The following PDE1C variants were observed in gnomAD, a reference collection of about 807,000 sequenced individuals.
PDE1C encodes dual specificity calcium/calmodulin-dependent 3',5'-cyclic nucleotide phosphodiesterase 1C.
PDE1C carries 62 observed loss-of-function variants against 93.1 expected under a neutral mutation model. The ratio of observed to expected loss-of-function variants is 0.67; its 90% CI spans 0.54 to 0.82. The LOEUF (loss-of-function observed/expected upper bound fraction) is 0.82, where lower values mean the gene tolerates loss of function less well. PDE1C is among the 40% of genes least tolerant of loss of function. The pLI is 0.00. For missense variants in PDE1C, 742 were observed against 884.6 expected, an observed-to-expected ratio of 0.84 and a Z score of 2.04; for synonymous variants, 325 against 310.1, an observed-to-expected ratio of 1.05 and a Z score of -0.50.
chr7:32,266,970 C>A (rs1017789358), intron 1 of PDE1C, among the ~76,000 whole-genome samples: 5 of 152,140 alleles, frequency 3.3e-5, no homozygotes, highest in Admixed American at 3.3e-4. Context: ...GGGTGGAAGC[C>A]CCCTAGACCA....
chr7:31,858,097 G>T (rs1161084439), intron 7 of PDE1C, among the ~76,000 whole-genome samples: 1 of 152,164 alleles, frequency 6.6e-6, no homozygotes, highest in Non-Finnish European at 1.5e-5. Flanking sequence ...GAGGTATGAA[G>T]ATGCATTCAG....
chr7:32,242,431 G>A (rs983546602), intron 1 of PDE1C, among the ~76,000 whole-genome samples: 4 of 152,198 alleles, frequency 2.6e-5, no homozygotes, highest in African/African-American at 9.6e-5. Flanking sequence ...TAAAAGCCTA[G>A]GGTATGCCCA....
chr7:31,811,534 C>T (rs1787549614), intron 15 of PDE1C, among the ~76,000 whole-genome samples: 1 of 152,024 alleles, frequency 6.6e-6, no homozygotes, highest in African/African-American at 2.4e-5. Flanking sequence ...CTGGCTTTTC[C>T]CTATTTTAAT....
At chr7:32,306,526 G>A (rs1295053469) in intron 1 of PDE1C, among the ~76,000 whole-genome samples, 1 of 152,120 alleles carries the variant, frequency 6.6e-6, no homozygotes, top group Non-Finnish European at 1.5e-5. Flanking sequence ...TCTCTCACAT[G>A]AATTATCACA....
chr7:31,795,810 G>A (rs1045420782), intron 16 of PDE1C, among the ~76,000 whole-genome samples: 3 of 151,436 alleles, frequency 2.0e-5, no homozygotes. Context: ...TTGGTTAATA[G>A]ATATTCCCCA....
intron 3 of PDE1C, among the ~76,000 whole-genome samples, chr7:32,117,510 A>G (rs577618937): frequency 6.6e-6 from 1 of 152,344 alleles, no homozygotes; most frequent in Non-Finnish European, 1.5e-5. Flanking sequence ...TTCTGACTAC[A>G]GTATAGAACC....
intron 1 of PDE1C, among the ~76,000 whole-genome samples, chr7:32,239,626 T>A (rs1808394841): frequency 1.3e-5 from 2 of 152,198 alleles, no homozygotes; most frequent in South Asian, 4.1e-4. Flanking sequence ...TTTACTTTAC[T>A]AATAATCAGG....
intron 1 of PDE1C, among the ~76,000 whole-genome samples, chr7:32,405,349 T>G (rs1170998336): frequency 6.6e-6 from 1 of 151,598 alleles, no homozygotes; most frequent in African/African-American, 2.4e-5. Flanking sequence ...CCCGCCAGGT[T>G]CAAGCGATTC....
At chr7:31,696,829 A>C in the PDE1C span, 1 of 951,332 alleles carries the variant, frequency 1.1e-6, no homozygotes, top group Admixed American at 2.9e-5. Flanking sequence ...TCTTATGAAA[A>C]GTCTTGCTTT....
intron 16 of PDE1C, among the ~76,000 whole-genome samples, chr7:31,797,536 G>A (rs1785460468): frequency 6.6e-6 from 1 of 151,666 alleles, no homozygotes; most frequent in African/African-American, 2.4e-5. Flanking sequence ...AGTTATAAAG[G>A]GTTAATTTTT....
chr7:32,406,489 A>G (rs904029113), intron 1 of PDE1C, among the ~76,000 whole-genome samples: 1 of 151,290 alleles, frequency 6.6e-6, no homozygotes, highest in Non-Finnish European at 1.5e-5. Context: ...CCTCTTGTTC[A>G]GCAAAATATA....
the PDE1C span, among the ~76,000 whole-genome samples, chr7:31,681,637 C>A: frequency 6.6e-6 from 1 of 152,086 alleles, no homozygotes; most frequent in Admixed American, 6.6e-5. Flanking sequence ...ATTATGAGCT[C>A]TTAAAAGATC....
intron 16 of PDE1C, among the ~76,000 whole-genome samples, chr7:31,805,550 G>A (rs952190334): frequency 6.6e-6 from 1 of 151,536 alleles, no homozygotes; most frequent in African/African-American, 2.4e-5. Flanking sequence ...AACTCAGAGA[G>A]TCACTGAGAT....
Position 32,051,546 on chromosome 7 carries a change from G to C in PDE1C, c.128+8C>G, listed in dbSNP as rs187831422. 6.2e-7 allele frequency: 1 copy of C among 1,613,476 alleles called. No homozygotes were observed. The highest frequency in any genetic ancestry group is 2.2e-5 in the East Asian group (1 of 44,876). ...TCAACCAGTTGCAGCTCAGAAAGAC[G>C]TTCTTACCTCTGGGACGTTTTCTTA... is the stretch of plus-strand genomic sequence containing the variant. On this transcript the variant is annotated splice_region_variant and intron_variant, in intron 2 of 17. Coordinates refer to ENST00000396191, the MANE Select transcript of PDE1C (RefSeq NM_001191057.4).
intron 1 of PDE1C, among the ~76,000 whole-genome samples, chr7:32,253,727 A>T (rs1433805028): frequency 1.3e-5 from 2 of 152,196 alleles, no homozygotes; most frequent in Non-Finnish European, 2.9e-5. Flanking sequence ...TGGGGAGATG[A>T]TGTATAAACA....
At chr7:31,977,229 G>C (rs545060591) in intron 2 of PDE1C, among the ~76,000 whole-genome samples, 15 of 152,116 alleles carry the variant, frequency 9.9e-5, no homozygotes, top group African/African-American at 2.9e-4. Flanking sequence ...CCCCATGAAG[G>C]GACTAAGAAG....
intron 1 of PDE1C, among the ~76,000 whole-genome samples, chr7:32,311,308 C>T (rs1384271789): frequency 4.6e-5 from 7 of 152,146 alleles, no homozygotes; most frequent in Non-Finnish European, 1.0e-4. Flanking sequence ...GATTCACAGC[C>T]GAATTCTACC....
the PDE1C span, among the ~76,000 whole-genome samples, chr7:31,705,986 A>ATGTTTTTTTTTTTTTTTTTTTTT: frequency 1.9e-5 from 1 of 52,486 alleles, no homozygotes; most frequent in African/African-American, 7.5e-5. Flanking sequence ...CAGACCAGTA[A>ATGTTTTTTTTTTTTTTTTTTTTT]TTTTTTTTTT....
chr7:31,675,348 C>T, the PDE1C span, among the ~76,000 whole-genome samples: 1 of 152,124 alleles, frequency 6.6e-6, no homozygotes, highest in East Asian at 1.9e-4. Flanking sequence ...TCTGGAGGCT[C>T]AACCTAGATC....
Sources: allele counts gnomAD v4.1 joint callset (sites outside exome capture counted in the v4.1 genomes callset), GRCh38; gene constraint gnomAD v4.1.1; transcripts MANE v1.5; gene names NCBI Gene and HGNC (gene_info 2026-07-23, HGNC 2026-07-21).